Variants in MNAT1 observed in about 807,000 individuals in gnomAD.
MNAT1 encodes the protein CDK-activating kinase assembly factor MAT1.
In MNAT1, 43 loss-of-function variants were observed where a neutral mutation model predicts 42.0. That is an observed-to-expected ratio of 1.02 (90% CI 0.80 to 1.32). The LOEUF is 1.32. Among genes scored for constraint, MNAT1 ranks in the 40% most tolerant of loss-of-function variants. The pLI is 0.00. For synonymous variants in MNAT1, 118 were observed against 120.0 expected, an observed-to-expected ratio of 0.98 and a Z score of 0.11; for missense variants, 306 against 350.4, an observed-to-expected ratio of 0.87 and a Z score of 1.01.
intron 7 of MNAT1, among the ~76,000 whole-genome samples, chr14:60,958,246 T>C (rs2036520829): frequency 1.3e-5 from 2 of 152,218 alleles, no homozygotes; most frequent in Non-Finnish European, 2.9e-5. Context: ...GTTTTGTTTG[T>C]CTGGAAAAGT....
chr14:60,939,866 T>C (rs1014874723), intron 7 of MNAT1, among the ~76,000 whole-genome samples: 4 of 152,182 alleles, frequency 2.6e-5, no homozygotes, highest in African/African-American at 7.2e-5. Context: ...TGTGGGAGTC[T>C]AAGTCTCTTT....
At chr14:60,913,702 G>A (rs1047930086) in intron 7 of MNAT1, among the ~76,000 whole-genome samples, 11 of 152,148 alleles carry the variant, frequency 7.2e-5, no homozygotes, top group African/African-American at 2.7e-4. Flanking sequence ...TGTCTCAGAG[G>A]AGTACCCAGC....
chr14:60,851,984 C>T (rs182072071), intron 6 of MNAT1, among the ~76,000 whole-genome samples: 139 of 152,228 alleles, frequency 9.1e-4, no homozygotes, highest in African/African-American at 2.9e-3. Flanking sequence ...CAAGTCTTTG[C>T]TGTTGTGAAT....
intron 6 of MNAT1, among the ~76,000 whole-genome samples, chr14:60,875,661 T>A (rs112256656): frequency 4.8e-4 from 73 of 152,140 alleles, no homozygotes; most frequent in Admixed American, 1.4e-3. Flanking sequence ...CTATTCTTAT[T>A]CAGTGACCTT....
chr14:60,804,758 G>T (rs2032316504), intron 3 of MNAT1, among the ~76,000 whole-genome samples: 2 of 152,004 alleles, frequency 1.3e-5, no homozygotes. Context: ...GACCAGGCTG[G>T]TCTCAAACTC....
chr14:60,883,892 CTGCTGATTTTTGTG>C (rs1259296287), intron 7 of MNAT1, among the ~76,000 whole-genome samples: 1 of 152,060 alleles, frequency 6.6e-6, no homozygotes. Context: ...TATAGAAATG[CTGCTGATTTTTGTG>C]TGCTGATTTT....
chr14:60,948,436 A>T (rs1171599769), intron 7 of MNAT1, among the ~76,000 whole-genome samples: 1 of 152,126 alleles, frequency 6.6e-6, no homozygotes, highest in South Asian at 2.1e-4. Flanking sequence ...CAAACAAAAA[A>T]AGATATTCGA....
intron 6 of MNAT1, among the ~76,000 whole-genome samples, chr14:60,872,684 A>G (rs2034352119): frequency 6.7e-6 from 1 of 149,860 alleles, no homozygotes; most frequent in Non-Finnish European, 1.5e-5. Flanking sequence ...TTTTTTTTTC[A>G]AAACTAACAA....
intron 7 of MNAT1, among the ~76,000 whole-genome samples, chr14:60,913,739 TG>T (rs1033575702): frequency 6.6e-6 from 1 of 152,142 alleles, no homozygotes; most frequent in Admixed American, 6.5e-5. Context: ...CTGCCCCTAC[TG>T]GGGGGTACCT....
chr14:60,840,507 C>G (rs1043146370), intron 6 of MNAT1, among the ~76,000 whole-genome samples: 17 of 152,274 alleles, frequency 1.1e-4, no homozygotes, highest in African/African-American at 3.4e-4. Flanking sequence ...TGGAAGCAGC[C>G]CATGGGAATC....
chr14:60,906,265 A>G (rs994331555), intron 7 of MNAT1, among the ~76,000 whole-genome samples: 48 of 152,202 alleles, frequency 3.2e-4, no homozygotes, highest in African/African-American at 1.2e-3. Flanking sequence ...GGCTAGACCT[A>G]GTTGATGATA....
intron 7 of MNAT1, among the ~76,000 whole-genome samples, chr14:60,950,019 C>T (rs1267261804): frequency 2.0e-5 from 3 of 152,030 alleles, no homozygotes; most frequent in Non-Finnish European, 2.9e-5. Context: ...ATAGAATTTT[C>T]CATAATTAAG....
chr14:60,734,986 GAC>G lies in MNAT1; in HGVS notation c.89+36_89+37del, dbSNP rs1311733314. The G allele has an allele frequency of 6.2e-6, 10 of 1,602,126 alleles. No individual in the cohort carries two copies. Among genetic ancestry groups the G allele is most frequent in the Non-Finnish European group, 8.6e-6 (10 of 1,169,152 alleles). On this transcript the variant is annotated intron_variant, in intron 1 of 7. Coordinates refer to ENST00000261245, the MANE Select transcript of MNAT1 (RefSeq NM_002431.4). This position sits in a 1 kb window ranked among gnomAD's most constrained non-coding sequence, Gnocchi z 4.3. ...GCGGCAGTGGATTCCCTGGGGGAGA[GAC>G]GCGCTGGGTGGGAGGAGAGGACCGG...
intron 7 of MNAT1, among the ~76,000 whole-genome samples, chr14:60,912,447 C>T (rs1594864125): frequency 6.6e-6 from 1 of 152,328 alleles, no homozygotes; most frequent in East Asian, 1.9e-4. Flanking sequence ...CATGTTTTTG[C>T]AGTGGCTGGC....
chr14:60,833,652 G>A (rs1566786215), intron 6 of MNAT1, among the ~76,000 whole-genome samples: 2 of 152,168 alleles, frequency 1.3e-5, no homozygotes, highest in South Asian at 4.1e-4. Context: ...TTTTTGTTGT[G>A]TCTCTGCCAG....
chr14:60,746,061 A>C (rs1006552210), intron 1 of MNAT1, among the ~76,000 whole-genome samples: 1 of 152,208 alleles, frequency 6.6e-6, no homozygotes, highest in Non-Finnish European at 1.5e-5. Flanking sequence ...GTTGAGGAGT[A>C]GAAAGAACAC....
chr14:60,861,947 G>T (rs2034105156), intron 6 of MNAT1, among the ~76,000 whole-genome samples: 1 of 152,190 alleles, frequency 6.6e-6, no homozygotes, highest in Non-Finnish European at 1.5e-5. Flanking sequence ...TTGTATATCA[G>T]AGTCCAGTTC....
chr14:60,741,672 T>TG (rs1896468349), intron 1 of MNAT1, among the ~76,000 whole-genome samples: 5 of 147,360 alleles, frequency 3.4e-5, no homozygotes, highest in African/African-American at 1.2e-4. Context: ...TTTTTTTTTT[T>TG]TTTTTTTTAA....
At chr14:60,883,251 G>A (rs2072294808) in intron 7 of MNAT1, among the ~76,000 whole-genome samples, 1 of 152,044 alleles carries the variant, frequency 6.6e-6, no homozygotes, top group Non-Finnish European at 1.5e-5. Context: ...TTTGATTTTT[G>A]TATGTGGTGA....
Sources: gnomAD v4.1 joint callset for allele counts (sites outside exome capture counted in the v4.1 genomes callset) on GRCh38, gnomAD v4.1.1 for gene constraint, Gnocchi (gnomAD v3.1) non-coding constraint, MANE v1.5 for transcripts, NCBI Gene and HGNC (gene_info 2026-07-23, HGNC 2026-07-21) for gene names.